Variants in IFT74 observed in about 807,000 individuals in gnomAD.
The protein encoded by IFT74 is intraflagellar transport 74.
A neutral mutation model predicts 96.7 loss-of-function variants in IFT74; 92 were observed. That is an observed-to-expected ratio of 0.95 (90% CI 0.80 to 1.13). The LOEUF is 1.13. Ranked by LOEUF, IFT74 falls within the 50% of genes most tolerant of loss-of-function variation. The pLI is 0.00. For synonymous variants in IFT74, 223 were observed against 213.2 expected, an observed-to-expected ratio of 1.05 and a Z score of -0.40; for missense variants, 811 against 698.2, an observed-to-expected ratio of 1.16 and a Z score of -1.82.
At chr9:27,008,602 C>G (rs1461139183) in intron 8 of IFT74, among the ~76,000 whole-genome samples, 1 of 152,044 alleles carries the variant, frequency 6.6e-6, no homozygotes, top group Non-Finnish European at 1.5e-5. Context: ...TCAGGTGATC[C>G]ACCTGCCTCA....
chr9:26,962,350 A>C (rs1335871875), intron 2 of IFT74, among the ~76,000 whole-genome samples: 1 of 152,208 alleles, frequency 6.6e-6, no homozygotes, highest in African/African-American at 2.4e-5. Flanking sequence ...TTTTTTGGAA[A>C]GCATCTGGAA....
chr9:27,029,523 A>G (rs1470743732), intron 13 of IFT74, among the ~76,000 whole-genome samples: 1 of 152,124 alleles, frequency 6.6e-6, no homozygotes, highest in African/African-American at 2.4e-5. Flanking sequence ...TGAGGCGGGC[A>G]GATCATCGGA....
At chr9:26,989,445 A>G (rs1444751434) in intron 7 of IFT74, among the ~76,000 whole-genome samples, 1 of 152,188 alleles carries the variant, frequency 6.6e-6, no homozygotes, top group East Asian at 1.9e-4. Flanking sequence ...GCTTATTTTG[A>G]TTATAAGCAT....
chr9:26,984,575 T>A lies in IFT74; in HGVS notation c.465+16T>A. The A allele has an allele frequency of 6.3e-7, 1 of 1,580,760 alleles. No homozygotes were observed. The highest frequency in any genetic ancestry group is 8.7e-7 in the Non-Finnish European group (1 of 1,154,156). On this transcript the variant is annotated intron_variant, in intron 6 of 19. Transcript: ENST00000380062. ...CTACAACATGGTATTTTATCTTTTC[T>A]AAGAGAATTTACTGTTAATATTTTC...
intron 8 of IFT74, chr9:26,999,834 TG>T: frequency 1.8e-6 from 1 of 549,668 alleles, no homozygotes; most frequent in African/African-American, 2.0e-5. Context: ...CCTGGTGGCA[TG>T]GTCACAGCTC....
intron 1 of IFT74, among the ~76,000 whole-genome samples, chr9:26,958,776 A>T (rs1328314252): frequency 6.6e-6 from 1 of 152,202 alleles, no homozygotes; most frequent in Non-Finnish European, 1.5e-5. Context: ...AGTTGTGTGG[A>T]ATCAGTTTAT....
At chr9:27,025,861 A>G (rs567583407) in intron 12 of IFT74, among the ~76,000 whole-genome samples, 3 of 152,322 alleles carry the variant, frequency 2.0e-5, no homozygotes, top group Non-Finnish European at 2.9e-5. Flanking sequence ...AAACCTCAAA[A>G]TACACCAAAG....
chr9:27,061,193 C>G (rs976468597), intron 19 of IFT74, among the ~76,000 whole-genome samples: 2 of 151,710 alleles, frequency 1.3e-5, no homozygotes, highest in South Asian at 4.2e-4. Flanking sequence ...CCTCAAGTAA[C>G]TAATAGAAAG....
intron 6 of IFT74, among the ~76,000 whole-genome samples, 177 bp from the exon 7 acceptor site, chr9:26,988,492 A>T (rs1275923561): frequency 6.6e-6 from 1 of 152,256 alleles, no homozygotes; most frequent in African/African-American, 2.4e-5. Flanking sequence ...TGCATAATAT[A>T]TGCTTACTTA....
intron 8 of IFT74, chr9:26,993,799 C>G (rs576125503): frequency 1.4e-4 from 21 of 152,178 alleles, no homozygotes; most frequent in Non-Finnish European, 2.6e-4. Flanking sequence ...TCCATCCATA[C>G]CTCTAGCCAC....
chr9:26,981,131 C>T (rs753912747), intron 4 of IFT74, among the ~76,000 whole-genome samples: 22 of 152,128 alleles, frequency 1.4e-4, no homozygotes, highest in East Asian at 3.9e-4. Flanking sequence ...AGGGCAGAGT[C>T]GTCATGTCCT....
At chr9:27,044,910 G>T in intron 14 of IFT74, 115 bp downstream of exon 14, 1 of 579,652 alleles carries the variant, frequency 1.7e-6, no homozygotes, top group Non-Finnish European at 3.0e-6. Context: ...GCAGAAGTGT[G>T]GACATTCAAA....
chr9:26,993,685 A>T (rs1311643404), intron 8 of IFT74: 1 of 152,180 alleles, frequency 6.6e-6, no homozygotes, highest in African/African-American at 2.4e-5. Flanking sequence ...AAACAATTTG[A>T]ACATACACAG....
At chr9:26,960,980 T>C (rs1826329090) in intron 1 of IFT74, among the ~76,000 whole-genome samples, 1 of 151,310 alleles carries the variant, frequency 6.6e-6, no homozygotes, top group African/African-American at 2.4e-5. Flanking sequence ...CAAAAGACTT[T>C]AGTAAAGATA....
rs2131703168 is a variant in IFT74 at position 27,055,725 on chromosome 9, T to C, written c.1450T>C (p.Tyr484His). Residue 484 changes from tyrosine (Y) to histidine (H), a missense_variant, in exon 17 of 20, where the codon TAT becomes CAT. Transcript: ENST00000380062. ...GCAAATGACAACTGATCTGGAGATA[T>C]ATAATGATTTGCCAGCTTTAAAATC... is the stretch of plus-strand genomic sequence containing the variant. The part of the protein sequence containing the change: ...IKQMTTDLEI[Y>H]NDLPALKSSG... 1.3e-6 allele frequency: 2 copies of C among 1,575,206 alleles called. No homozygotes were observed. The highest frequency in any genetic ancestry group is 1.7e-6 in the Non-Finnish European group (2 of 1,165,554).
intron 8 of IFT74, among the ~76,000 whole-genome samples, chr9:27,006,338 C>T (rs1424623370): frequency 6.6e-6 from 1 of 152,070 alleles, no homozygotes; most frequent in Non-Finnish European, 1.5e-5. Context: ...AGTCTGACAC[C>T]TGTAATCCCA....
chr9:27,058,031 C>T (rs1401463080), intron 18 of IFT74, among the ~76,000 whole-genome samples: 3 of 151,710 alleles, frequency 2.0e-5, no homozygotes, highest in Non-Finnish European at 4.4e-5. Context: ...ATTGTTTTTA[C>T]AAAAAATAAA....
chr9:26,957,213 C>G (rs1177038689), intron 1 of IFT74, among the ~76,000 whole-genome samples: 1 of 152,140 alleles, frequency 6.6e-6, no homozygotes, highest in Non-Finnish European at 1.5e-5. Flanking sequence ...GCCTCTTAAT[C>G]CCACTGGTAA....
chr9:26,948,335 G>A (rs1420109139), intron 1 of IFT74, among the ~76,000 whole-genome samples: 1 of 151,050 alleles, frequency 6.6e-6, no homozygotes, highest in Non-Finnish European at 1.5e-5. Flanking sequence ...CATTTCTCTG[G>A]CCTTTCTACC....
Sources: gnomAD v4.1 joint callset for allele counts (sites outside exome capture counted in the v4.1 genomes callset) on GRCh38, gnomAD v4.1.1 for gene constraint, MANE v1.5 for transcripts, NCBI Gene and HGNC (gene_info 2026-07-23, HGNC 2026-07-21) for gene names.